MACF1: variants seen among roughly 807,000 people sequenced by gnomAD.
MACF1 encodes microtubule actin crosslinking factor 1.
Under a neutral mutation model 854.8 loss-of-function variants are expected in MACF1, and 193 were observed. The observed-to-expected ratio is 0.23, with a 90% CI of 0.20 to 0.25. The LOEUF is 0.25. Among genes scored for constraint, MACF1 ranks in the 10% least tolerant of loss-of-function variants. The pLI is 1.00. For synonymous variants in MACF1, 3,185 were observed against 3,226.7 expected (o/e 0.99, Z 0.44); for missense variants, 7,722 against 8,929.1 (o/e 0.86, Z 5.45).
At chr1:39,163,506 C>T (rs1234118815) in intron 2 of MACF1, among the ~76,000 whole-genome samples, 2 of 152,124 alleles carry the variant, frequency 1.3e-5, no homozygotes, top group African/African-American at 4.8e-5. Context: ...AAAGATGGTA[C>T]TACTAGTCTG....
chr1:39,423,686 C>A (rs1643630222), intron 60 of MACF1, among the ~76,000 whole-genome samples: 1 of 149,962 alleles, frequency 6.7e-6, no homozygotes, highest in African/African-American at 2.5e-5. Context: ...GTTTGATATA[C>A]ATATACGTTG....
rs1394474645 is a variant in MACF1 at position 39,302,930 on chromosome 1, A to C, written c.2641A>C (p.Ile881Leu). The C allele has an allele frequency of 6.2e-7, 1 of 1,613,300 alleles. No individual in the cohort carries two copies. Among genetic ancestry groups the C allele is most frequent in the Non-Finnish European group, 8.5e-7 (1 of 1,179,418 alleles). The change falls in exon 23 of 101, where the codon ATT (isoleucine) becomes CTT (leucine). Residue 881 changes from isoleucine to leucine, a missense_variant. Ile to Leu is a conservative substitution (Grantham distance 5). This residue lies in a region of MACF1 where 1,137 missense variants were observed against 1,263.0 expected (regional missense o/e 0.90). Transcript: ENST00000564288. Reference sequence around the variant, plus strand: ...GGTAAATTTATCTCTTCAGATTACTATTTGCAAAAATGATGAATGTGTGCT... The same window carrying C: ...GGTAAATTTATCTCTTCAGATTACTCTTTGCAAAAATGATGAATGTGTGCT... ...VCDYRQIEIT[I>L]CKNDECVLED...
chr1:39,194,346 CTTTTCTTTTTT>C (rs973464256), intron 2 of MACF1, among the ~76,000 whole-genome samples: 9 of 35,016 alleles, frequency 2.6e-4, no homozygotes, highest in African/African-American at 3.5e-4. Flanking sequence ...CTTTTCTTTT[CTTTTCTTTTTT>C]TTTTTTTTTT....
rs1018898411 is a variant in MACF1, at chr1:39,256,974, G to A, written c.436-962G>A. On this transcript the variant is annotated intron_variant, in intron 5 of 100. Transcript: ENST00000564288. ...GTGACCCACAATACCTTGTGCTTGC[G>A]AGGTTGCTTTTCTGGTGAGAAAGCA... is the stretch of plus-strand genomic sequence containing the variant. Among the ~76,000 whole-genome samples, 9 of 151,892 alleles carry A rather than the reference G, an allele frequency of 5.9e-5. No homozygotes were observed. The South Asian group carries it at 8.3e-4, about 14-fold the overall frequency.
At chr1:39,427,753 G>A in intron 62 of MACF1, 139 bp downstream of exon 62, 1 of 1,007,196 alleles carries the variant, frequency 9.9e-7, no homozygotes, top group South Asian at 1.7e-5. Context: ...AATTGGAAAA[G>A]TCACATTCTT....
chr1:39,191,916 C>T (rs111440781), intron 2 of MACF1, among the ~76,000 whole-genome samples: 3,477 of 152,114 alleles, frequency 0.023, 79 homozygotes, highest in East Asian at 0.13. Flanking sequence ...TTTGGGAGGC[C>T]GAAGCAGGTG....
intron 2 of MACF1, among the ~76,000 whole-genome samples, chr1:39,193,592 A>C (rs566249623): frequency 6.6e-6 from 1 of 152,332 alleles, no homozygotes; most frequent in African/African-American, 2.4e-5. Flanking sequence ...TGTGCCAAAT[A>C]TATTATGCAT....
chr1:39,250,819 T>A (rs1645032539), intron 3 of MACF1, among the ~76,000 whole-genome samples: 1 of 152,178 alleles, frequency 6.6e-6, no homozygotes, highest in African/African-American at 2.4e-5. Flanking sequence ...TCTACTTGCT[T>A]TGAGGGATGG....
chr1:39,262,116 A>T (rs1025837250), intron 6 of MACF1, among the ~76,000 whole-genome samples: 1 of 152,146 alleles, frequency 6.6e-6, no homozygotes, highest in Non-Finnish European at 1.5e-5. Context: ...TATGGAAGAT[A>T]CACGGCTGAG....
At chr1:39,410,189 C>T in intron 58 of MACF1, 1 of 1,095,548 alleles carries the variant, frequency 9.1e-7, no homozygotes, top group Non-Finnish European at 1.3e-6. Context: ...GGATTTATAA[C>T]TTATGTAGAA....
intron 47 of MACF1, among the ~76,000 whole-genome samples, chr1:39,360,012 AATATATATATATATAT>A (rs1188839648): frequency 0.033 from 959 of 28,710 alleles, 47 homozygotes; most frequent in African/African-American, 0.078. Context: ...AAAAAAAAAA[AATATATATATATATAT>A]ATATATATAT....
At chr1:39,086,274 G>A (rs1027226305) in intron 2 of MACF1, among the ~76,000 whole-genome samples, 2 of 152,240 alleles carry the variant, frequency 1.3e-5, no homozygotes, top group African/African-American at 4.8e-5. Context: ...TTAGAGAAAG[G>A]CTTATGTGGG....
At chr1:39,469,945 G>A (rs1351129511) in intron 97 of MACF1, among the ~76,000 whole-genome samples, 2 of 152,194 alleles carry the variant, frequency 1.3e-5, no homozygotes, top group Non-Finnish European at 2.9e-5. Context: ...ATAGGAAATT[G>A]AGGCATAGAA....
At chr1:39,342,867 A>G (rs1011770544) in intron 40 of MACF1, among the ~76,000 whole-genome samples, 1 of 152,226 alleles carries the variant, frequency 6.6e-6, no homozygotes, top group Non-Finnish European at 1.5e-5. Flanking sequence ...TATAGGCTTT[A>G]TGAACCATAT....
chr1:39,408,752 C>G (rs1642825194), intron 58 of MACF1, among the ~76,000 whole-genome samples: 1 of 152,054 alleles, frequency 6.6e-6, no homozygotes, highest in Non-Finnish European at 1.5e-5. Flanking sequence ...GCGCCCTCTC[C>G]GGGGGCGGGG....
chr1:39,165,988 G>A (rs1210530059), intron 2 of MACF1, among the ~76,000 whole-genome samples: 2 of 151,928 alleles, frequency 1.3e-5, no homozygotes, highest in Non-Finnish European at 2.9e-5. Context: ...TTTCTGACAG[G>A]ATACAAAGAT....
intron 2 of MACF1, chr1:39,102,911 C>G (rs1286754218): frequency 1.7e-5 from 12 of 702,106 alleles, no homozygotes; most frequent in Non-Finnish European, 2.6e-6. Flanking sequence ...TCTTCCCATC[C>G]CCCCTGGCAG....
intron 2 of MACF1, among the ~76,000 whole-genome samples, chr1:39,117,580 C>G (rs1179345250): frequency 4.7e-5 from 7 of 148,156 alleles, no homozygotes; most frequent in African/African-American, 1.7e-4. Flanking sequence ...TTGGGTGTCC[C>G]TTGCCTGTGG....
chr1:39,455,053 C>T lies in MACF1; in HGVS notation c.21031C>T (p.Pro7011Ser). Reference sequence around the variant, plus strand: ...CATTCAGCGGGATCAGGAGCCAATCCCGCAGAACATTGACCGAGTTAAAGC... The same window carrying T: ...CATTCAGCGGGATCAGGAGCCAATCTCGCAGAACATTGACCGAGTTAAAGC... ...TLIQRDQEPI[P>S]QNIDRVKALI... Residue 7011 changes from proline (P) to serine (S), a missense_variant, in exon 89 of 101, where the codon CCG (proline) becomes TCG (serine). This residue lies in a region of MACF1 where 729 missense variants were observed against 900.5 expected (regional missense o/e 0.81). Coordinates refer to ENST00000564288, the MANE Select transcript of MACF1 (RefSeq NM_001394062.1). 6.2e-7 allele frequency: 1 copy of T among 1,614,124 alleles called. No individual in the cohort carries two copies. Among genetic ancestry groups the T allele is most frequent in the Non-Finnish European group, 8.5e-7 (1 of 1,180,024 alleles).
Sources: allele counts gnomAD v4.1 joint callset (sites outside exome capture counted in the v4.1 genomes callset), GRCh38; gene constraint gnomAD v4.1.1; regional missense constraint gnomAD v4.1.1; transcripts MANE v1.5; gene names NCBI Gene and HGNC (gene_info 2026-07-23, HGNC 2026-07-21).